The following SCML1 variants were observed in gnomAD, a reference collection of about 807,000 sequenced individuals.
SCML1 encodes the protein sex comb on midleg-like protein 1.
For synonymous variants in SCML1, 104 were observed against 103.6 expected, an observed-to-expected ratio of 1.00 and a Z score of -0.02; for missense variants, 137 against 258.1, an observed-to-expected ratio of 0.53 and a Z score of 3.22.
At position 17,750,148 on chromosome X, in the gene SCML1, T is replaced by C. The variant is rs374953478; in HGVS notation, c.558T>C (p.Asp186=). 4 of 1,210,413 alleles carry C rather than the reference T, an allele frequency of 3.3e-6. No individual in the cohort carries two copies. In the African/African-American group the frequency reaches 7.0e-5, roughly 21 times the overall value. ...SRTPSPVHPS[D]FSEHNCQPYY... is the part of the protein sequence containing the mutation. ...CTCCGAGTCCAGTGCATCCCTCAGATTTCTCTGAGCATAATTGTCAGCCGT... is the reference window on the plus strand; with the variant it reads ...CTCCGAGTCCAGTGCATCCCTCAGACTTCTCTGAGCATAATTGTCAGCCGT... Residue 186 remains aspartate, a synonymous_variant, in exon 6 of 8, where the codon GAT becomes GAC. Transcript: ENST00000380041.
Position 17,750,302 on chromosome X carries a change from G to A in SCML1, c.703+9G>A. On this transcript the variant is annotated intron_variant, in intron 6 of 7. Transcript: ENST00000380041. ...TGCAGCACCACCTTCAGGTATGCTGGCCCAGGGAGAGCCCAATTTGGTACA... is the reference window on the plus strand; with the variant it reads ...TGCAGCACCACCTTCAGGTATGCTGACCCAGGGAGAGCCCAATTTGGTACA... 8.4e-7 allele frequency: 1 copy of A among 1,190,319 alleles called. No homozygotes were observed.
At chrX:17,745,083 TGTCTTGTCCACAGAG>T (rs2066631353) in intron 2 of SCML1, 1 of 120,803 alleles carries the variant, frequency 8.3e-6, no homozygotes, top group South Asian at 3.4e-4. Flanking sequence ...AAATGTTTTC[TGTCTTGTCCACAGAG>T]GGGCACTGTT....
At chrX:17,739,127 TTTATC>T (rs996555121) in intron 1 of SCML1, among the ~76,000 whole-genome samples, 18 of 111,654 alleles carry the variant, frequency 1.6e-4, no homozygotes, top group Admixed American at 9.4e-5. Context: ...AAAGTTGTGA[TTTATC>T]TTATGGAAAG....
chrX:17,740,504 CAAA>C (rs749105829), intron 1 of SCML1, among the ~76,000 whole-genome samples: 1 of 95,540 alleles, frequency 1.0e-5, no homozygotes, highest in African/African-American at 3.8e-5. Context: ...ATTTTACAGA[CAAA>C]AAAAAAAAAG....
At chrX:17,746,838 C>A (rs1005844217) in intron 4 of SCML1, among the ~76,000 whole-genome samples, 3 of 111,531 alleles carry the variant, frequency 2.7e-5, no homozygotes, top group African/African-American at 9.8e-5. Flanking sequence ...TGGTCTAGGT[C>A]AGCTTATACG....
At chrX:17,747,849 A>G (rs867910692) in intron 4 of SCML1, among the ~76,000 whole-genome samples, 31 of 112,078 alleles carry the variant, frequency 2.8e-4, no homozygotes, top group African/African-American at 9.1e-4. Flanking sequence ...GATTCCCTAC[A>G]TGAGGACACT....
chrX:17,741,874 A>G (rs1300435286), intron 1 of SCML1, among the ~76,000 whole-genome samples: 1 of 111,714 alleles, frequency 9.0e-6, no homozygotes. Flanking sequence ...GAGGACAGTA[A>G]TAGAACCTAT....
intron 1 of SCML1, among the ~76,000 whole-genome samples, chrX:17,739,565 T>C (rs2066573158): frequency 9.0e-6 from 1 of 111,039 alleles, no homozygotes; most frequent in Non-Finnish European, 1.9e-5. Context: ...TTATCAAGAA[T>C]TGGCCAGGCG....
At chrX:17,744,386 T>A (rs2066626278) in intron 2 of SCML1, 167 bp downstream of exon 2, 1 of 367,218 alleles carries the variant, frequency 2.7e-6, no homozygotes, top group Non-Finnish European at 4.6e-6. Context: ...TGTACAAGTT[T>A]CTTTGTGAAC....
intron 1 of SCML1, among the ~76,000 whole-genome samples, chrX:17,742,546 A>T (rs2066605690): frequency 1.8e-5 from 2 of 112,120 alleles, no homozygotes; most frequent in Non-Finnish European, 3.8e-5. Context: ...GACCAGCAGG[A>T]TACTACCTTA....
At chrX:17,749,562 C>A in intron 5 of SCML1, 58 bp downstream of exon 5, 3 of 737,334 alleles carry the variant, frequency 4.1e-6, no homozygotes, top group Non-Finnish European at 6.1e-6. Flanking sequence ...TGTAAAGATG[C>A]CAATGAGCTA....
At chrX:17,753,192 G>T in intron 7 of SCML1, 66 bp from the exon 8 acceptor site, 1 of 967,581 alleles carries the variant, frequency 1.0e-6, no homozygotes, top group South Asian at 3.2e-5. Flanking sequence ...TTCTCATAAA[G>T]AACTAACCAT....
intron 1 of SCML1, among the ~76,000 whole-genome samples, chrX:17,741,042 A>C (rs1389059147): frequency 1.8e-5 from 2 of 111,802 alleles, no homozygotes; most frequent in Non-Finnish European, 3.8e-5. Flanking sequence ...ATTGTCTGCA[A>C]ACTTGCCTGA....
chrX:17,743,320 C>T (rs952489430), intron 1 of SCML1, among the ~76,000 whole-genome samples: 2 of 111,716 alleles, frequency 1.8e-5, no homozygotes, highest in Non-Finnish European at 3.8e-5. Flanking sequence ...AATTGTGCCT[C>T]TCATTACTGC....
intron 3 of SCML1, 29 bp from the exon 4 acceptor site, chrX:17,745,989 A>T: frequency 1.0e-6 from 1 of 1,003,987 alleles, no homozygotes; most frequent in Non-Finnish European, 1.4e-6. Context: ...ACAGAAATAA[A>T]TCATTAACTA....
chrX:17,749,424 C>T lies in SCML1; in HGVS notation c.223C>T (p.Leu75=). ...GGTTATATATGATGCTCTGCAAAAC[C>T]TGGATAAGAAGATTGATGTGATTCG... The part of the protein sequence containing the change: ...CQVIYDALQN[L]DKKIDVIRRK... Residue 75 remains leucine, a synonymous_variant, in exon 5 of 8, where the codon CTG becomes TTG. Coordinates refer to ENST00000380041, the MANE Select transcript of SCML1 (RefSeq NM_001037540.3). 8.4e-6 allele frequency: 10 copies of T among 1,187,285 alleles called. No homozygotes were observed. Among genetic ancestry groups the T allele is most frequent in the Non-Finnish European group, 1.1e-5 (10 of 877,496 alleles).
chrX:17,738,913 G>A (rs780654346), intron 1 of SCML1, among the ~76,000 whole-genome samples: 1 of 112,336 alleles, frequency 8.9e-6, no homozygotes, highest in Non-Finnish European at 1.9e-5. Context: ...TGGGCTCTGA[G>A]AAAATGTTGT....
chrX:17,751,652 C>G (rs779377575), intron 6 of SCML1, among the ~76,000 whole-genome samples, 163 bp from the exon 7 acceptor site: 3 of 112,299 alleles, frequency 2.7e-5, no homozygotes, highest in Non-Finnish European at 3.8e-5. Context: ...TTTATATAGG[C>G]TTTCACTAGA....
rs747754438 is a variant in SCML1, at chrX:17,750,216, T to A, written c.626T>A (p.Leu209His). Residue 209 changes from leucine to histidine, a missense_variant, in exon 6 of 8, where the codon CTC becomes CAC. Physicochemically the swap from Leu to His is moderately conservative, Grantham distance 99 (BLOSUM62 -3). Coordinates refer to ENST00000380041, the MANE Select transcript of SCML1 (RefSeq NM_001037540.3). ...GCAACGTATGGTTCTTCTTCAGGGC[T>A]CTGCCTTGGCAACCCTCGGGCTGAC... ...DGATYGSSSG[L>H]CLGNPRADSI... 8.3e-7 allele frequency: 1 copy of A among 1,212,045 alleles called. No homozygotes were observed. The highest frequency in any genetic ancestry group is 3.0e-5 in the East Asian group (1 of 33,854).
Sources: gnomAD v4.1 joint callset for allele counts (sites outside exome capture counted in the v4.1 genomes callset) on GRCh38, gnomAD v4.1.1 for gene constraint, MANE v1.5 for transcripts, NCBI Gene and HGNC (gene_info 2026-07-23, HGNC 2026-07-21) for gene names.